GCFC2: variants seen among roughly 807,000 people sequenced by gnomAD.
GCFC2 encodes the protein GC-rich sequence DNA-binding factor 2.
Under a neutral mutation model 99.4 loss-of-function variants are expected in GCFC2, and 102 were observed. The observed-to-expected ratio is 1.03, with a 90% CI of 0.87 to 1.21. GCFC2 has a LOEUF of 1.21. Ranked by LOEUF, GCFC2 falls within the 50% of genes most tolerant of loss-of-function variation. The pLI is 0.00. For missense variants in GCFC2, 973 were observed against 920.9 expected, an observed-to-expected ratio of 1.06 and a Z score of -0.73; for synonymous variants, 338 against 316.8, an observed-to-expected ratio of 1.07 and a Z score of -0.71.
At chr2:75,674,670 A>T (rs1340238223) in intron 12 of GCFC2, among the ~76,000 whole-genome samples, 2 of 152,054 alleles carry the variant, frequency 1.3e-5, no homozygotes, top group African/African-American at 4.8e-5. Flanking sequence ...ACATTAGAGT[A>T]AAAGTTAATT....
At position 75,710,806 on chromosome 2, in the gene GCFC2, C is replaced by T. The variant is rs1028429113; in HGVS notation, c.50G>A (p.Ser17Asn). 8.9e-6 allele frequency: 14 copies of T among 1,578,920 alleles called. No individual in the cohort carries two copies. In the African/African-American group the frequency reaches 1.8e-4, roughly 21 times the overall value. Residue 17 changes from serine to asparagine, a missense_variant, in exon 1 of 17, where the codon AGC (serine) becomes AAC (asparagine). By Grantham distance (46) the Ser-to-Asn change is conservative. Transcript: ENST00000321027. ...RTFRQRAADSSDSDGAEESPA... is the reference protein window; with the variant it reads ...RTFRQRAADSNDSDGAEESPA... The stretch of plus-strand genomic sequence containing the variant: ...CGACTCCTCGGCGCCATCGCTGTCG[C>T]TGGAATCAGCCGCGCGCTGCCGAAA...
At chr2:75,698,776 T>C (rs976652418) in intron 4 of GCFC2, among the ~76,000 whole-genome samples, 4 of 151,734 alleles carry the variant, frequency 2.6e-5, no homozygotes, top group African/African-American at 7.2e-5. Flanking sequence ...CTTTGGGAGG[T>C]TGAGGTGGGC....
chr2:75,680,070 A>G (rs1679502776), intron 12 of GCFC2, 123 bp downstream of exon 12: 6 of 678,332 alleles, frequency 8.8e-6, no homozygotes, highest in East Asian at 2.8e-5. Flanking sequence ...TCAAAAGTAA[A>G]TATGTTTTCC....
At chr2:75,695,728 G>A (rs1317426264) in intron 5 of GCFC2, among the ~76,000 whole-genome samples, 1 of 152,000 alleles carries the variant, frequency 6.6e-6, no homozygotes, top group Non-Finnish European at 1.5e-5. Flanking sequence ...GTAAAATAAG[G>A]GTTACCTGAA....
rs142523128 is a variant in GCFC2 at position 75,668,778 on chromosome 2, T to G, written c.2103+1360A>C. Among the ~76,000 whole-genome samples, 3 of 152,336 alleles carry G rather than the reference T, an allele frequency of 2.0e-5. No homozygotes were observed. The East Asian group carries it at 5.8e-4, about 29-fold the overall frequency. On this transcript the variant is annotated intron_variant, in intron 15 of 16. Coordinates refer to ENST00000321027, the MANE Select transcript of GCFC2 (RefSeq NM_003203.5). ...TTAAAATCTATATGTGCATCTCTAA[T>G]TTTTGACTTAACTTACTTTGGCTAA...
At chr2:75,681,286 G>T (rs1458601342) in intron 11 of GCFC2, among the ~76,000 whole-genome samples, 2 of 152,208 alleles carry the variant, frequency 1.3e-5, no homozygotes, top group South Asian at 4.1e-4. Flanking sequence ...AGGGTGAGCT[G>T]AAGCAAGGTT....
chr2:75,710,523 C>G (rs1375035073), intron 1 of GCFC2, 68 bp downstream of exon 1: 2 of 1,426,272 alleles, frequency 1.4e-6, no homozygotes, highest in Non-Finnish European at 9.1e-7. Context: ...GAGAAGGATC[C>G]AGAGACCCCG....
In GCFC2 at chr2:75,679,496, C is replaced by T. The variant is rs184692714; in HGVS notation, c.1812+697G>A. Among the ~76,000 whole-genome samples, 23 of 152,158 alleles carry T rather than the reference C, an allele frequency of 1.5e-4. No individual in the cohort carries two copies. In the East Asian group the frequency reaches 3.9e-3, roughly 26 times the overall value. On this transcript the variant is annotated intron_variant, in intron 12 of 16. Transcript: ENST00000321027. ...CTCAGCAACATCACTCTAAAAAGTT[C>T]CCCAATATGTCTTATGTTCACTGAA...
chr2:75,669,057 AT>A (rs1204560585), intron 15 of GCFC2, among the ~76,000 whole-genome samples: 1 of 152,152 alleles, frequency 6.6e-6, no homozygotes, highest in Non-Finnish European at 1.5e-5. Flanking sequence ...CCTATAAATA[AT>A]TTCCATTTCT....
intron 12 of GCFC2, among the ~76,000 whole-genome samples, chr2:75,679,282 T>C (rs969050351): frequency 6.6e-6 from 1 of 152,194 alleles, no homozygotes; most frequent in African/African-American, 2.4e-5. Flanking sequence ...GCTCATAATA[T>C]GAATATGATA....
intron 11 of GCFC2, among the ~76,000 whole-genome samples, chr2:75,683,748 A>G (rs1573060201): frequency 6.7e-6 from 1 of 148,854 alleles, no homozygotes; most frequent in East Asian, 2.0e-4. Context: ...GGATGGAGGA[A>G]TATTTACCAA....
intron 6 of GCFC2, among the ~76,000 whole-genome samples, chr2:75,692,796 G>A (rs950595005): frequency 2.0e-5 from 3 of 152,046 alleles, no homozygotes; most frequent in Non-Finnish European, 4.4e-5. Flanking sequence ...AGTAGGTGGG[G>A]GCACTCAAAG....
intron 12 of GCFC2, among the ~76,000 whole-genome samples, chr2:75,679,276 A>G (rs1679469921): frequency 6.6e-6 from 1 of 152,172 alleles, no homozygotes; most frequent in Non-Finnish European, 1.5e-5. Context: ...AATGGTGCTC[A>G]TAATATGAAT....
chr2:75,690,126 C>T (rs745751763), intron 8 of GCFC2, 45 bp from the exon 9 acceptor site: 10 of 1,108,356 alleles, frequency 9.0e-6, no homozygotes, highest in Non-Finnish European at 1.3e-5. Flanking sequence ...GTAAGTAGTT[C>T]TTGCTGAAAA....
rs1487172453 is a variant in GCFC2, at chr2:75,687,874, T to TA, written c.1642_1643insT (p.Lys548IlefsTer43). The TA allele has an allele frequency of 6.2e-7, 1 of 1,607,348 alleles. No homozygotes were observed. Among genetic ancestry groups the TA allele is most frequent in the Non-Finnish European group, 8.5e-7 (1 of 1,175,752 alleles). ...TTTGTTGATGATTGCAGACAAGACTTTTTTATCTGAACTACTTTCCTTCTT... is the reference window on the plus strand; with the variant it reads ...TTTGTTGATGATTGCAGACAAGACTTATTTTATCTGAACTACTTTCCTTCTT... On this transcript the variant is annotated frameshift_variant, in exon 11 of 17. Transcript: ENST00000321027. LOFTEE classifies it high-confidence loss of function.
chr2:75,673,442 A>G lies in GCFC2; in HGVS notation c.1889+2T>C, dbSNP rs1436944807. 7.0e-6 allele frequency: 9 copies of G among 1,289,900 alleles called. No homozygotes were observed. Among genetic ancestry groups the G allele is most frequent in the Admixed American group, 1.7e-5 (1 of 58,978 alleles). 79.9% of individuals were successfully genotyped at this position (1,289,900 alleles called of 1,614,324 possible). A position where few individuals can be genotyped will look rare whatever the true frequency, so the allele number is the denominator to read the frequency against. On this transcript the variant is annotated splice_donor_variant, in intron 13 of 16. Coordinates refer to ENST00000321027, the MANE Select transcript of GCFC2 (RefSeq NM_003203.5). LOFTEE classifies it high-confidence loss of function. The stretch of plus-strand genomic sequence containing the variant: ...AACAATCTAGAAATTAACAGCGCTT[A>G]CCTCTTTGGATACAGAGGAATAAAA...
Position 75,710,573 on chromosome 2 carries a change from C to A in GCFC2, c.265+18G>T. ...CCTGTGCCGTCACCTCCCCGCTTCC[C>A]CGCGTCTCCCTGGACACCTGAGCCT... On this transcript the variant is annotated intron_variant, in intron 1 of 16. Coordinates refer to ENST00000321027, the MANE Select transcript of GCFC2 (RefSeq NM_003203.5). 6.7e-7 allele frequency: 1 copy of A among 1,486,058 alleles called. No individual in the cohort carries two copies. Among genetic ancestry groups the A allele is most frequent in the South Asian group, 1.3e-5 (1 of 77,544 alleles). 92.1% of individuals were successfully genotyped at this position (1,486,058 alleles called of 1,614,324 possible).
At chr2:75,675,971 G>C (rs1679320000) in intron 12 of GCFC2, among the ~76,000 whole-genome samples, 1 of 152,116 alleles carries the variant, frequency 6.6e-6, no homozygotes, top group Non-Finnish European at 1.5e-5. Context: ...GCACTTGTGT[G>C]ATGCCAATGG....
At chr2:75,708,811 CAACT>C (rs1372672393) in intron 1 of GCFC2, among the ~76,000 whole-genome samples, 3 of 151,962 alleles carry the variant, frequency 2.0e-5, no homozygotes, top group Admixed American at 1.3e-4. Flanking sequence ...GCCCGGCCCG[CAACT>C]AACTTTTAAG....
Sources: allele counts gnomAD v4.1 joint callset (sites outside exome capture counted in the v4.1 genomes callset), GRCh38; gene constraint gnomAD v4.1.1; transcripts MANE v1.5; gene names NCBI Gene and HGNC (gene_info 2026-07-23, HGNC 2026-07-21).